The following KRT86 variants were observed in gnomAD, a reference collection of about 807,000 sequenced individuals.
KRT86 encodes the protein keratin, type II cuticular Hb6.
A neutral mutation model predicts 41.2 loss-of-function variants in KRT86; 30 were observed. That is an observed-to-expected ratio of 0.73 (90% CI 0.54 to 0.99). KRT86 has a LOEUF of 0.99. Among genes scored for constraint, KRT86 ranks in the 50% least tolerant of loss-of-function variants. The pLI is 0.00. For missense variants in KRT86, 561 were observed against 571.4 expected (o/e 0.98, Z 0.19); for synonymous variants, 238 against 238.1 (o/e 1.00, Z 0.00).
At chr12:52,301,718 A>G in intron 2 of KRT86, 195 bp from the exon 3 acceptor site, 1 of 1,011,974 alleles carries the variant, frequency 9.9e-7, no homozygotes, top group Non-Finnish European at 1.5e-6. Flanking sequence ...AATTAAGTAC[A>G]TTAAGTGGGG....
rs1378507386 is a variant in KRT86 at position 52,308,227 on chromosome 12, C to G, written c.1248-6C>G. ...GGCACTGACCTCTCGCCTTCTCTCC[C>G]TGCAGGCTGTGCGAGGGCGTCGGCT... On this transcript the variant is annotated splice_polypyrimidine_tract_variant and splice_region_variant and intron_variant, in intron 9 of 10. Coordinates refer to ENST00000423955, the MANE Select transcript of KRT86 (RefSeq NM_001320198.2). 1 of 1,614,230 alleles carries G rather than the reference C, an allele frequency of 6.2e-7. No individual in the cohort carries two copies. Among genetic ancestry groups the G allele is most frequent in the Admixed American group, 1.7e-5 (1 of 60,034 alleles).
Position 52,302,136 on chromosome 12 carries a change from A to G in KRT86, c.220A>G (p.Ser74Gly), listed in dbSNP as rs1196935940. ...CCGCTCCGGGGGCGTGTGCGGGCCC[A>G]GTCCCCCATGCATCACCACCGTGTC... ...GYRSGGVCGP[S>G]PPCITTVSVN... The change falls in exon 3 of 11, where the codon AGT (serine) becomes GGT (glycine). Residue 74 changes from serine to glycine, a missense_variant. Physicochemically the swap from Ser to Gly is moderately conservative, Grantham distance 56. Around this residue, in one of 3 missense-constraint regions of KRT86, gnomAD observed 164 missense variants for 172.5 expected, o/e 0.95. Coordinates refer to ENST00000423955, the MANE Select transcript of KRT86 (RefSeq NM_001320198.2). 1.7e-5 allele frequency: 26 copies of G among 1,524,194 alleles called. No homozygotes were observed. Among genetic ancestry groups the G allele is most frequent in the Middle Eastern group, 2.3e-4 (1 of 4,280 alleles). 94.4% of individuals were successfully genotyped at this position (1,524,194 alleles called of 1,614,324 possible). A position where few individuals can be genotyped will look rare whatever the true frequency, so the allele number is the denominator to read the frequency against.
At chr12:52,296,874 G>T (rs1253106769) in intron 2 of KRT86, among the ~76,000 whole-genome samples, 1 of 152,266 alleles carries the variant, frequency 6.6e-6, no homozygotes, top group Non-Finnish European at 1.5e-5. Flanking sequence ...CCAGCATGCA[G>T]ATGCTCCAGA....
chr12:52,298,562 G>A (rs568566479), intron 2 of KRT86, among the ~76,000 whole-genome samples: 1 of 152,192 alleles, frequency 6.6e-6, no homozygotes, highest in Non-Finnish European at 1.5e-5. Flanking sequence ...AGTGTGCCAG[G>A]CTTAGTTCTC....
chr12:52,308,349 A>G (rs1014174898), intron 10 of KRT86, 55 bp from the exon 11 acceptor site: 86 of 1,612,114 alleles, frequency 5.3e-5, no homozygotes, highest in Middle Eastern at 1.6e-4. Flanking sequence ...CAGCAAAGCC[A>G]CTCACCCAGG....
Position 52,306,220 on chromosome 12 carries a change from A to G in KRT86, c.1187A>G (p.Lys396Arg), listed in dbSNP as rs542735645. The G allele has an allele frequency of 4.3e-6, 7 of 1,613,730 alleles. No individual in the cohort carries two copies. The Admixed American group carries it at 8.3e-5, about 19-fold the overall frequency. ...GAGTACCAGGAGGTGATGAACTCCA[A>G]GCTGGGCCTGGACATCGAGATCGCC... ...IREYQEVMNS[K>R]LGLDIEIATY... Residue 396 changes from lysine (K) to arginine (R), a missense_variant, in exon 9 of 11, where the codon AAG becomes AGG. Lys to Arg is a conservative substitution (Grantham distance 26). Around this residue, in one of 3 missense-constraint regions of KRT86, gnomAD observed 397 missense variants for 375.9 expected, o/e 1.06. Transcript: ENST00000423955.
intron 2 of KRT86, among the ~76,000 whole-genome samples, chr12:52,279,787 G>T (rs1937730473): frequency 1.3e-5 from 2 of 152,192 alleles, no homozygotes; most frequent in East Asian, 1.9e-4. Flanking sequence ...GAAGAGTCTA[G>T]CCTGGGGCCC....
chr12:52,300,544 A>C (rs557648988), intron 2 of KRT86, among the ~76,000 whole-genome samples: 6 of 152,298 alleles, frequency 3.9e-5, no homozygotes, highest in Admixed American at 1.3e-4. Context: ...CTTCCCCTAG[A>C]TCACACAGGG....
chr12:52,275,292 T>C (rs528787392), intron 1 of KRT86, among the ~76,000 whole-genome samples: 67 of 152,322 alleles, frequency 4.4e-4, no homozygotes, highest in Non-Finnish European at 8.1e-4. Context: ...GCACTTCCCA[T>C]AGCAGCCTTG....
intron 9 of KRT86, among the ~76,000 whole-genome samples, chr12:52,307,575 G>A (rs1938545257): frequency 6.6e-6 from 1 of 152,202 alleles, no homozygotes; most frequent in African/African-American, 2.4e-5. Flanking sequence ...GAGTGTCTGG[G>A]GTGACAGCCC....
intron 6 of KRT86, 28 bp downstream of exon 6, chr12:52,305,055 C>T (rs1026174590): frequency 2.5e-6 from 4 of 1,613,108 alleles, no homozygotes; most frequent in Non-Finnish European, 3.4e-6. Context: ...AGGCAGAGAC[C>T]TGGCAGCCAG....
rs376835872 is a variant in KRT86, at chr12:52,302,070, G to C, written c.154G>C (p.Gly52Arg). 2.0e-3 allele frequency: 3,187 copies of C among 1,597,250 alleles called. 28 individuals carry two copies. The highest frequency in any genetic ancestry group is 7.6e-3 in the Middle Eastern group (41 of 5,370). Reference protein sequence around the residue: ...TGGFGSHSVCGGFRAGSCGRS... With the variant: ...TGGFGSHSVCRGFRAGSCGRS... The stretch of plus-strand genomic sequence containing the variant: ...GGGCTTCGGCAGCCACAGCGTGTGC[G>C]GAGGCTTTCGGGCCGGCTCCTGCGG... Residue 52 changes from glycine to arginine, a missense_variant, in exon 3 of 11, where the codon GGA becomes CGA. This residue lies in a region of KRT86 where 164 missense variants were observed against 172.5 expected (regional missense o/e 0.95). Coordinates refer to ENST00000423955, the MANE Select transcript of KRT86 (RefSeq NM_001320198.2).
intron 2 of KRT86, chr12:52,288,070 C>T (rs1208634995): frequency 6.2e-7 from 1 of 1,614,222 alleles, no homozygotes; most frequent in South Asian, 1.1e-5. Context: ...ATGATGCAGT[C>T]CATGTTCAGG....
rs1471855424 is a variant in KRT86 at position 52,287,611 on chromosome 12, C to T, written c.-5+11665C>T. 3 of 1,613,856 alleles carry T rather than the reference C, an allele frequency of 1.9e-6. No individual in the cohort carries two copies. In the African/African-American group the frequency reaches 4.0e-5, roughly 22 times the overall value. ...TGCCCCATACCTGGCACTTGGCATT[C>T]TCCACCTCGGCCGTCAGCCTTTGGA... On this transcript the variant is annotated intron_variant, in intron 2 of 10. Transcript: ENST00000423955.
intron 5 of KRT86, 57 bp from the exon 6 acceptor site, chr12:52,304,875 G>A (rs1938466242): frequency 5.1e-6 from 8 of 1,570,338 alleles, no homozygotes; most frequent in Non-Finnish European, 7.0e-6. Flanking sequence ...GAAGAGAGAG[G>A]AATCTAGAGG....
chr12:52,274,718 C>G lies in KRT86; in HGVS notation c.-135C>G. 1 of 985,418 alleles carries G rather than the reference C, an allele frequency of 1.0e-6. No homozygotes were observed. Among genetic ancestry groups the G allele is most frequent in the Non-Finnish European group, 1.2e-6 (1 of 829,944 alleles). The allele number at this position is 985,418 out of a possible 1,614,324, so 61.0% of individuals were successfully genotyped here. A position where few individuals can be genotyped will look rare whatever the true frequency, so the allele number is the denominator to read the frequency against. ...CTTGGAGGAGACCACAGTTCTTTCT[C>G]CATGGTGAGACTCATACACGTGGCT... is the stretch of plus-strand genomic sequence containing the variant. On this transcript the variant is annotated 5_prime_UTR_variant, in exon 1 of 11. Transcript: ENST00000423955.
intron 2 of KRT86, among the ~76,000 whole-genome samples, chr12:52,295,414 G>A (rs1373887434): frequency 1.3e-5 from 2 of 152,216 alleles, no homozygotes; most frequent in East Asian, 3.8e-4. Flanking sequence ...GATCCCAAAG[G>A]AAGGGATGCG....
At chr12:52,291,270 G>C in intron 2 of KRT86, 1 of 1,530,940 alleles carries the variant, frequency 6.5e-7, no homozygotes, top group East Asian at 2.5e-5. Flanking sequence ...CCCCCGGAGC[G>C]GTAGCCGAAG....
chr12:52,275,100 G>T (rs1015613037), intron 1 of KRT86: 3 of 152,204 alleles, frequency 2.0e-5, no homozygotes, highest in Admixed American at 6.5e-5. Flanking sequence ...AATGGGAAAA[G>T]TCACATCCAT....
Sources: gnomAD v4.1 joint callset for allele counts (sites outside exome capture counted in the v4.1 genomes callset) on GRCh38, gnomAD v4.1.1 for gene constraint, gnomAD v4.1.1 regional missense constraint, MANE v1.5 for transcripts, NCBI Gene and HGNC (gene_info 2026-07-23, HGNC 2026-07-21) for gene names.